The following FSTL3 variants were observed in gnomAD, a reference collection of about 807,000 sequenced individuals.
FSTL3 encodes the protein follistatin like 3.
FSTL3 carries 21 observed loss-of-function variants against 28.1 expected under a neutral mutation model. The observed-to-expected ratio is 0.75, with a 90% CI of 0.53 to 1.08. FSTL3 has a LOEUF of 1.08. FSTL3 is among the 50% of genes least tolerant of loss of function. FSTL3 has a pLI of 0.00. For synonymous variants in FSTL3, 199 were observed against 164.2 expected (o/e 1.21, Z -1.62); for missense variants, 400 against 380.9 (o/e 1.05, Z -0.42).
rs1384267584 is a variant in FSTL3, at chr19:681,376, C to T, written c.549C>T (p.Val183=). ...HVVCPRPQSC[V]VDQTGSAHCV... Reference sequence around the variant, plus strand: ...TGTGCCCGCGGCCACAGTCGTGCGTCGTGGACCAGACGGGCAGCGCCCACT... The same window carrying T: ...TGTGCCCGCGGCCACAGTCGTGCGTTGTGGACCAGACGGGCAGCGCCCACT... Residue 183 remains valine, a synonymous_variant, in exon 4 of 5, where the codon GTC becomes GTT. Transcript: ENST00000166139. 5 of 1,590,266 alleles carry T rather than the reference C, an allele frequency of 3.1e-6. No homozygotes were observed. The highest frequency in any genetic ancestry group is 4.5e-5 in the East Asian group (2 of 44,380).
At chr19:679,285 G>A (rs1468588960) in intron 2 of FSTL3, among the ~76,000 whole-genome samples, 1 of 152,172 alleles carries the variant, frequency 6.6e-6, no homozygotes, top group African/African-American at 2.4e-5. Context: ...GTGAGCCGCT[G>A]TGCCGGGGCC....
Position 680,009 on chromosome 19 carries a change from C to CCA in FSTL3, c.290-264_290-263insAC, listed in dbSNP as rs35616330. The stretch of plus-strand genomic sequence containing the variant: ...CCCGATTCCGGGCAGAGACCCCCCC[C>CCA]CGCCCCGGCCCGCGCGCACCGAGCC... On this transcript the variant is annotated intron_variant, in intron 2 of 4. Coordinates refer to ENST00000166139, the MANE Select transcript of FSTL3 (RefSeq NM_005860.3). 3.5e-3 allele frequency: 694 copies of CCA among 200,820 alleles called. 21 individuals are homozygous for CCA. The highest frequency in any genetic ancestry group is 0.016 in the African/African-American group (650 of 39,920). 12.4% of individuals were successfully genotyped at this position (200,820 alleles called of 1,614,324 possible).
chr19:680,139 C>A, intron 2 of FSTL3, 135 bp from the exon 3 acceptor site: 2 of 426,206 alleles, frequency 4.7e-6, no homozygotes, highest in Non-Finnish European at 7.6e-6. Flanking sequence ...CCGACTCCGA[C>A]TGACCCTGAC....
In FSTL3 at chr19:678,521, TTTTTC is replaced by T. The variant is rs1432741888; in HGVS notation, c.289+545_289+549del. Among the ~76,000 whole-genome samples the T allele has an allele frequency of 1.2e-4, 16 of 132,932 alleles. No homozygotes were observed. In the South Asian group the frequency reaches 3.3e-3, roughly 28 times the overall value. The allele number at this position is 132,932 out of a possible 152,430, so 87.2% of individuals were successfully genotyped here. A position where few individuals can be genotyped will look rare whatever the true frequency, so the allele number is the denominator to read the frequency against. On this transcript the variant is annotated intron_variant, in intron 2 of 4. Transcript: ENST00000166139. The stretch of plus-strand genomic sequence containing the variant: ...ATGGTTTTTTTTTTTTTTTTTTTTT[TTTTTC>T]CTGAGATGGAGCCTCGCTCTGTCAC...
chr19:679,367 C>T (rs780121620), intron 2 of FSTL3, among the ~76,000 whole-genome samples: 4 of 152,202 alleles, frequency 2.6e-5, no homozygotes, highest in Non-Finnish European at 5.9e-5. Flanking sequence ...GAGTGCCGCA[C>T]TGCCTTGGAA....
intron 3 of FSTL3, 137 bp from the exon 4 acceptor site, chr19:681,196 G>GA: frequency 2.1e-6 from 1 of 480,216 alleles, no homozygotes; most frequent in South Asian, 2.1e-5. Context: ...GGGGGCTCAC[G>GA]GGGGGCGGGG....
At chr19:676,658 C>A (rs908156959) in intron 1 of FSTL3, 132 bp downstream of exon 1, 35 of 298,104 alleles carry the variant, frequency 1.2e-4, no homozygotes, top group African/African-American at 4.0e-4. Flanking sequence ...CAAGCTGGAG[C>A]CGGGAAGGTC....
chr19:678,514 T>G (rs557250007), intron 2 of FSTL3, among the ~76,000 whole-genome samples: 3,788 of 125,630 alleles, frequency 0.03, 123 homozygotes, highest in South Asian at 0.055. Context: ...TTTTTTTTTT[T>G]TTTTTTTTTT....
chr19:681,010 C>G, intron 3 of FSTL3: 1 of 376,730 alleles, frequency 2.7e-6, no homozygotes, highest in South Asian at 3.6e-5. Context: ...GGGCGTGGTT[C>G]CTGGGTGGAG....
intron 3 of FSTL3, chr19:680,948 A>C: frequency 3.8e-6 from 1 of 266,092 alleles, no homozygotes; most frequent in East Asian, 8.4e-5. Context: ...GAGGGGCATG[A>C]TGGAACCAGG....
In FSTL3 at chr19:680,475, G is replaced by T. The variant is rs906806787; in HGVS notation, c.491G>T (p.Arg164Leu). ...RGHPDLSVMYRGRCRKSCEHV... is the reference protein window; with the variant it reads ...RGHPDLSVMYLGRCRKSCEHV... Reference sequence around the variant, plus strand: ...CACCCGGACCTGAGCGTCATGTACCGGGGCCGCTGCCGCAGTACGTGGGGG... The same window carrying T: ...CACCCGGACCTGAGCGTCATGTACCTGGGCCGCTGCCGCAGTACGTGGGGG... The change falls in exon 3 of 5, where the codon CGG (arginine) becomes CTG (leucine). Residue 164 changes from arginine (R) to leucine (L), a missense_variant. Coordinates refer to ENST00000166139, the MANE Select transcript of FSTL3 (RefSeq NM_005860.3). 8.0e-7 allele frequency: 1 copy of T among 1,250,786 alleles called. No individual in the cohort carries two copies. Among genetic ancestry groups the T allele is most frequent in the Non-Finnish European group, 1.0e-6 (1 of 997,706 alleles). The allele number at this position is 1,250,786 out of a possible 1,614,324, so 77.5% of individuals were successfully genotyped here.
In FSTL3 at chr19:682,717, G is replaced by A. The variant is rs557962524; in HGVS notation, c.*1009G>A. ...ACGTCAGTTCATGAGGCAACGTCGC[G>A]TGGTCTCAGACGTGGAGCAGCCAGC... On this transcript the variant is annotated 3_prime_UTR_variant, in exon 5 of 5. Coordinates refer to ENST00000166139, the MANE Select transcript of FSTL3 (RefSeq NM_005860.3). 418 of 233,306 alleles carry A rather than the reference G, an allele frequency of 1.8e-3. 2 individuals are homozygous for A. Among genetic ancestry groups the A allele is most frequent in the Non-Finnish European group, 1.8e-3 (209 of 118,066 alleles). 14.5% of individuals were successfully genotyped at this position (233,306 alleles called of 1,614,324 possible).
At chr19:677,269 G>C (rs1260584632) in intron 1 of FSTL3, among the ~76,000 whole-genome samples, 1 of 152,150 alleles carries the variant, frequency 6.6e-6, no homozygotes, top group African/African-American at 2.4e-5. Flanking sequence ...CCTCCCCGAA[G>C]GCCACGTCCC....
Position 681,670 on chromosome 19 carries a change from G to A in FSTL3, c.754G>A (p.Gly252Ser), listed in dbSNP as rs760323316. 1 of 1,572,636 alleles carries A rather than the reference G, an allele frequency of 6.4e-7. No individual in the cohort carries two copies. Among genetic ancestry groups the A allele is most frequent in the Non-Finnish European group, 8.6e-7 (1 of 1,159,298 alleles). ...SCAGTPEEPP[G>S]GESAEEEENF... ...TGCAGGCACCCCTGAGGAGCCGCCAGGTGGTGAGTCTGCAGAAGAGGAAGA... is the reference window on the plus strand; with the variant it reads ...TGCAGGCACCCCTGAGGAGCCGCCAAGTGGTGAGTCTGCAGAAGAGGAAGA... Residue 252 changes from glycine to serine, a missense_variant, in exon 5 of 5, where the codon GGT (glycine) becomes AGT (serine). By Grantham distance (56) the Gly-to-Ser change is moderately conservative. Coordinates refer to ENST00000166139, the MANE Select transcript of FSTL3 (RefSeq NM_005860.3).
chr19:677,771 AC>A lies in FSTL3; in HGVS notation c.104-17del. The A allele has an allele frequency of 1.3e-6, 2 of 1,591,512 alleles. No individual in the cohort carries two copies. The highest frequency in any genetic ancestry group is 8.5e-7 in the Non-Finnish European group (1 of 1,172,876). ...GGTGTCAGGAGTGGCCCAGGAGAGCACCCCGTTCCCCGGCCCGCAGGTGGTG... is the reference window on the plus strand; with the variant it reads ...GGTGTCAGGAGTGGCCCAGGAGAGCACCCGTTCCCCGGCCCGCAGGTGGTG... On this transcript the variant is annotated intron_variant, in intron 1 of 4. Coordinates refer to ENST00000166139, the MANE Select transcript of FSTL3 (RefSeq NM_005860.3).
intron 2 of FSTL3, 39 bp from the exon 3 acceptor site, chr19:680,235 T>C: frequency 7.7e-7 from 1 of 1,291,254 alleles, no homozygotes; most frequent in Non-Finnish European, 9.9e-7. Context: ...CCCGGGACCC[T>C]CCCGCGCCCG....
At position 680,417 on chromosome 19, in the gene FSTL3, G is replaced by A; in HGVS notation, c.433G>A (p.Glu145Lys). 7.9e-7 allele frequency: 1 copy of A among 1,271,122 alleles called. No individual in the cohort carries two copies. Among genetic ancestry groups the A allele is most frequent in the Non-Finnish European group, 9.9e-7 (1 of 1,010,862 alleles). 78.7% of individuals were successfully genotyped at this position (1,271,122 alleles called of 1,614,324 possible). Residue 145 changes from glutamate (E) to lysine (K), a missense_variant, in exon 3 of 5, where the codon GAG becomes AAG. Glu to Lys is a moderately conservative substitution (Grantham distance 56). Coordinates refer to ENST00000166139, the MANE Select transcript of FSTL3 (RefSeq NM_005860.3). ...CGSDGATYRD[E>K]CELRAARCRG... ...CTCAGACGGCGCCACCTACCGCGAC[G>A]AGTGCGAGCTGCGCGCCGCGCGCTG... is the stretch of plus-strand genomic sequence containing the variant.
chr19:681,632 T>A lies in FSTL3; in HGVS notation c.734-18T>A, dbSNP rs558755662. The A allele has an allele frequency of 7.4e-5, 118 of 1,587,672 alleles. No homozygotes were observed. In the South Asian group the frequency reaches 1.2e-3, roughly 17 times the overall value. On this transcript the variant is annotated intron_variant, in intron 4 of 4. Transcript: ENST00000166139. ...ACCCCCTGCCCTGCGCCCTCAATGC[T>A]CTTATCGACCCTTGCAGGCACCCCT...
intron 2 of FSTL3, 179 bp downstream of exon 2, chr19:678,156 G>T: frequency 3.2e-6 from 2 of 616,132 alleles, no homozygotes; most frequent in South Asian, 4.0e-5. Flanking sequence ...CCAGGCTCCA[G>T]CCTCTTGCAG....
Sources: allele counts gnomAD v4.1 joint callset (sites outside exome capture counted in the v4.1 genomes callset), GRCh38; gene constraint gnomAD v4.1.1; transcripts MANE v1.5; gene names NCBI Gene and HGNC (gene_info 2026-07-23, HGNC 2026-07-21).